Variants in PRKG1 observed in about 807,000 individuals in gnomAD.
PRKG1 encodes protein kinase cGMP-dependent 1.
PRKG1 carries 35 observed loss-of-function variants against 88.1 expected under a neutral mutation model. That is an observed-to-expected ratio of 0.40 (90% CI 0.30 to 0.53). The LOEUF (loss-of-function observed/expected upper bound fraction) is 0.53. Ranked by LOEUF, PRKG1 falls within the 20% of genes least tolerant of loss-of-function variation. PRKG1 has a pLI of 0.59. For missense variants in PRKG1, 540 were observed against 839.8 expected, an observed-to-expected ratio of 0.64 and a Z score of 4.41; for synonymous variants, 303 against 292.5, an observed-to-expected ratio of 1.04 and a Z score of -0.37.
At chr10:51,824,748 G>A (rs1399157008) in intron 4 of PRKG1, among the ~76,000 whole-genome samples, 2 of 151,970 alleles carry the variant, frequency 1.3e-5, no homozygotes, top group African/African-American at 2.4e-5. Context: ...GAGAGGAGGA[G>A]GTGCCAGGCT....
chr10:51,164,939 G>C (rs1846490201), intron 2 of PRKG1, among the ~76,000 whole-genome samples: 1 of 152,218 alleles, frequency 6.6e-6, no homozygotes, highest in East Asian at 1.9e-4. Flanking sequence ...ACCTGAAATT[G>C]ACGGGGAAAA....
At chr10:51,604,082 T>A (rs1028880950) in intron 3 of PRKG1, among the ~76,000 whole-genome samples, 34 of 110,358 alleles carry the variant, frequency 3.1e-4, no homozygotes, top group African/African-American at 1.2e-3. Context: ...GAAGATCTGG[T>A]CCCTGCCTTT....
At chr10:52,205,232 G>A (rs1480114848) in intron 9 of PRKG1, among the ~76,000 whole-genome samples, 1 of 152,076 alleles carries the variant, frequency 6.6e-6, no homozygotes, top group African/African-American at 2.4e-5. Flanking sequence ...TCTGCCTTGT[G>A]ATCTTTTGTC....
intron 3 of PRKG1, among the ~76,000 whole-genome samples, chr10:51,629,506 C>T (rs776008340): frequency 6.6e-6 from 1 of 151,868 alleles, no homozygotes; most frequent in East Asian, 1.9e-4. Context: ...TATGTCCAGT[C>T]TACACCATAA....
chr10:51,588,604 G>T (rs1838230519), intron 3 of PRKG1, among the ~76,000 whole-genome samples: 1 of 152,134 alleles, frequency 6.6e-6, no homozygotes. Context: ...GAACTAGAAG[G>T]TGATTTCTTC....
chr10:51,017,651 T>G (rs1332039603), intron 1 of PRKG1, among the ~76,000 whole-genome samples: 1 of 152,120 alleles, frequency 6.6e-6, no homozygotes, highest in Non-Finnish European at 1.5e-5. Context: ...GACTTCAAAT[T>G]TTTTCCTGGG....
At chr10:51,249,874 A>G (rs1449856930) in intron 2 of PRKG1, among the ~76,000 whole-genome samples, 1 of 151,820 alleles carries the variant, frequency 6.6e-6, no homozygotes, top group Non-Finnish European at 1.5e-5. Flanking sequence ...CAGGTGACAC[A>G]TTTGTAATTA....
chr10:51,411,916 C>A (rs1000921606), intron 2 of PRKG1, among the ~76,000 whole-genome samples: 1 of 151,892 alleles, frequency 6.6e-6, no homozygotes, highest in African/African-American at 2.4e-5. Context: ...GGAAAAGTAA[C>A]GGCAGCACTG....
At chr10:51,734,181 CA>C (rs1253026448) in intron 3 of PRKG1, among the ~76,000 whole-genome samples, 1 of 152,084 alleles carries the variant, frequency 6.6e-6, no homozygotes, top group African/African-American at 2.4e-5. Flanking sequence ...TGTCAACATT[CA>C]TTCAATTTCA....
At chr10:51,553,079 A>C (rs1314381217) in intron 3 of PRKG1, among the ~76,000 whole-genome samples, 1 of 151,708 alleles carries the variant, frequency 6.6e-6, no homozygotes, top group Non-Finnish European at 1.5e-5. Flanking sequence ...AACTCATATA[A>C]TACCAGATTA....
intron 10 of PRKG1, among the ~76,000 whole-genome samples, chr10:52,264,457 A>T (rs951592953): frequency 1.3e-4 from 20 of 151,652 alleles, no homozygotes; most frequent in Non-Finnish European, 2.8e-4. Flanking sequence ...CACTTGTCTT[A>T]AATTCCTTAA....
At chr10:51,016,669 C>CTTTTTTTT (rs1323068893) in intron 1 of PRKG1, among the ~76,000 whole-genome samples, 4 of 22,766 alleles carry the variant, frequency 1.8e-4, no homozygotes, top group Non-Finnish European at 3.3e-4. Context: ...TATTATTATC[C>CTTTTTTTT]TTTCTTTTTT....
chr10:52,086,407 A>ATT (rs34889827), intron 7 of PRKG1, among the ~76,000 whole-genome samples: 1,755 of 140,380 alleles, frequency 0.013, 17 homozygotes, highest in African/African-American at 0.013. Context: ...TATAGGTATG[A>ATT]TTTTTTTTTT....
intron 2 of PRKG1, among the ~76,000 whole-genome samples, chr10:51,425,640 A>G (rs921521612): frequency 1.3e-5 from 2 of 152,166 alleles, no homozygotes; most frequent in African/African-American, 4.8e-5. Context: ...CAGACTGGGA[A>G]GCAGCTGTAA....
At chr10:51,745,587 T>C (rs1837555495) in intron 3 of PRKG1, among the ~76,000 whole-genome samples, 1 of 152,232 alleles carries the variant, frequency 6.6e-6, no homozygotes, top group African/African-American at 2.4e-5. Flanking sequence ...TTTGTGTGTC[T>C]TAGGTAAATG....
At chr10:51,791,744 GA>G (rs1339202656) in intron 3 of PRKG1, among the ~76,000 whole-genome samples, 1 of 152,084 alleles carries the variant, frequency 6.6e-6, no homozygotes, top group African/African-American at 2.4e-5. Context: ...TTTAGAGGGG[GA>G]AAAATTCTAG....
At chr10:51,853,332 A>C (rs1232014318) in intron 4 of PRKG1, among the ~76,000 whole-genome samples, 1 of 152,190 alleles carries the variant, frequency 6.6e-6, no homozygotes, top group Non-Finnish European at 1.5e-5. Context: ...TGGAAACAAA[A>C]TTACAAAGAC....
chr10:52,047,135 A>C (rs1845880162), intron 5 of PRKG1, among the ~76,000 whole-genome samples: 3 of 152,158 alleles, frequency 2.0e-5, no homozygotes. Context: ...AATTAGAAAA[A>C]GTGTTCCAGG....
chr10:51,403,181 T>C (rs956647499), intron 2 of PRKG1, among the ~76,000 whole-genome samples: 2 of 152,182 alleles, frequency 1.3e-5, no homozygotes, highest in Non-Finnish European at 2.9e-5. Context: ...AGACTTCCCC[T>C]ATGCAGAGTG....
Sources: allele counts gnomAD v4.1 joint callset (sites outside exome capture counted in the v4.1 genomes callset), GRCh38; gene constraint gnomAD v4.1.1; transcripts MANE v1.5; gene names NCBI Gene and HGNC (gene_info 2026-07-23, HGNC 2026-07-21).